The following HS2ST1 variants were observed in gnomAD, a reference collection of about 807,000 sequenced individuals.
The protein encoded by HS2ST1 is 2-O-sulfotransferase.
A neutral mutation model predicts 42.9 loss-of-function variants in HS2ST1; 18 were observed. The observed-to-expected ratio is 0.42, with a 90% confidence interval of 0.29 to 0.62. The LOEUF (loss-of-function observed/expected upper bound fraction) is 0.62, where lower values mean the gene tolerates loss of function less well. Ranked by LOEUF, HS2ST1 falls within the 20% of genes least tolerant of loss-of-function variation. The pLI is 0.21. For missense variants in HS2ST1, 334 were observed against 433.8 expected (o/e 0.77, Z 2.04); for synonymous variants, 146 against 152.9 (o/e 0.95, Z 0.33).
At chr1:87,083,367 C>G (rs1295959759) in intron 2 of HS2ST1, among the ~76,000 whole-genome samples, 1 of 152,178 alleles carries the variant, frequency 6.6e-6, no homozygotes, top group Non-Finnish European at 1.5e-5. Flanking sequence ...ACTGCCCCCA[C>G]TTTCTGCACT....
At chr1:87,079,201 G>A (rs568547963) in intron 2 of HS2ST1, among the ~76,000 whole-genome samples, 5 of 151,674 alleles carry the variant, frequency 3.3e-5, no homozygotes, top group East Asian at 3.9e-4. Context: ...GCAGTGGTGC[G>A]ATCTAGGCTC....
chr1:87,069,964 A>G (rs887771953), intron 1 of HS2ST1, among the ~76,000 whole-genome samples: 1 of 152,250 alleles, frequency 6.6e-6, no homozygotes, highest in Non-Finnish European at 1.5e-5. Flanking sequence ...TAAAATAGAT[A>G]CCTGCTTATG....
At chr1:86,982,024 C>T (rs1341666557) in intron 1 of HS2ST1, among the ~76,000 whole-genome samples, 3 of 152,242 alleles carry the variant, frequency 2.0e-5, no homozygotes, top group Non-Finnish European at 4.4e-5. Context: ...TCCCAAACAT[C>T]AGTTCTTGTC....
chr1:87,029,627 TAC>T (rs1650176681), intron 1 of HS2ST1, among the ~76,000 whole-genome samples: 1 of 152,246 alleles, frequency 6.6e-6, no homozygotes, highest in African/African-American at 2.4e-5. Flanking sequence ...CCATGTCATG[TAC>T]AGTTTCTTTT....
chr1:87,019,744 A>G (rs574396137), intron 1 of HS2ST1, among the ~76,000 whole-genome samples: 4 of 152,338 alleles, frequency 2.6e-5, no homozygotes, highest in South Asian at 4.1e-4. Context: ...GAAATATCCT[A>G]TTATAGCAGA....
In HS2ST1 at chr1:86,965,104, A is replaced by AT. The variant is rs575564697; in HGVS notation, c.124+49948dup. Among the ~76,000 whole-genome samples, 398 of 152,348 alleles carry AT rather than the reference A, an allele frequency of 2.6e-3. 3 individuals carry two copies. Among genetic ancestry groups the AT allele is most frequent in the African/African-American group, 9.1e-3 (379 of 41,582 alleles). ...TAATTTCAGACTTGTTTCAAAAAGG[A>AT]TTTTATGCATCTTTCAGTAATAGAG... On this transcript the variant is annotated intron_variant, in intron 1 of 6. Coordinates refer to ENST00000370550, the MANE Select transcript of HS2ST1 (RefSeq NM_012262.4).
intron 1 of HS2ST1, chr1:87,046,082 T>A (rs1205208177): frequency 1.5e-6 from 1 of 665,076 alleles, no homozygotes; most frequent in African/African-American, 1.8e-5. Flanking sequence ...TCATGAACCC[T>A]GACTATAATG....
At chr1:86,988,738 G>C (rs2390219) in intron 1 of HS2ST1, among the ~76,000 whole-genome samples, 14 of 152,198 alleles carry the variant, frequency 9.2e-5, no homozygotes, top group African/African-American at 3.4e-4. Context: ...CCGGAATGGC[G>C]TTACATCAAT....
intron 1 of HS2ST1, among the ~76,000 whole-genome samples, chr1:86,930,851 G>A (rs1660527623): frequency 6.6e-6 from 1 of 151,968 alleles, no homozygotes; most frequent in Non-Finnish European, 1.5e-5. Flanking sequence ...AGTAATGTTG[G>A]CACTTACAGG....
At chr1:87,086,298 C>T (rs1166216495) in intron 3 of HS2ST1, among the ~76,000 whole-genome samples, 1 of 152,076 alleles carries the variant, frequency 6.6e-6, no homozygotes, top group African/African-American at 2.4e-5. Flanking sequence ...TTGAAAGTCA[C>T]CCCTTGTACA....
chr1:87,014,724 C>T lies in HS2ST1; in HGVS notation c.125-58210C>T, dbSNP rs1277191544. On this transcript the variant is annotated intron_variant, in intron 1 of 6. Coordinates refer to ENST00000370550, the MANE Select transcript of HS2ST1 (RefSeq NM_012262.4). ...CAACCATGTACAAAGGCCATCACAA[C>T]TTTACTCAATAAATACTTCTACCCA... Among the ~76,000 whole-genome samples the T allele has an allele frequency of 2.6e-5, 4 of 152,198 alleles. No individual in the cohort carries two copies. The East Asian group carries it at 5.8e-4, about 22-fold the overall frequency.
intron 1 of HS2ST1, among the ~76,000 whole-genome samples, chr1:86,971,318 A>AAAAC (rs1648228261): frequency 2.6e-5 from 4 of 151,930 alleles, no homozygotes; most frequent in Middle Eastern, 3.2e-3. Flanking sequence ...CAAAACAAAA[A>AAAAC]AAAACCTTGG....
intron 1 of HS2ST1, chr1:87,045,669 A>G: frequency 1.3e-6 from 1 of 775,918 alleles, no homozygotes; most frequent in Non-Finnish European, 2.4e-6. Flanking sequence ...CAACCCAGCA[A>G]TCACTGCATT....
intron 1 of HS2ST1, among the ~76,000 whole-genome samples, chr1:87,029,325 A>C (rs1650169217): frequency 6.6e-6 from 1 of 152,216 alleles, no homozygotes; most frequent in South Asian, 2.1e-4. Context: ...GAATTTCTAC[A>C]CATGGTTTCT....
At chr1:87,052,334 G>A (rs1650856985) in intron 1 of HS2ST1, among the ~76,000 whole-genome samples, 1 of 152,074 alleles carries the variant, frequency 6.6e-6, no homozygotes, top group South Asian at 2.1e-4. Context: ...TTTTTAACTA[G>A]TAAGCCAGGA....
chr1:86,996,514 G>A (rs1035948006), intron 1 of HS2ST1, among the ~76,000 whole-genome samples: 4 of 151,440 alleles, frequency 2.6e-5, no homozygotes, highest in African/African-American at 9.7e-5. Context: ...TGTGTTGCAG[G>A]TACATGTAGC....
intron 1 of HS2ST1, among the ~76,000 whole-genome samples, chr1:87,060,244 C>A (rs1475361264): frequency 6.6e-6 from 1 of 152,090 alleles, no homozygotes; most frequent in Non-Finnish European, 1.5e-5. Flanking sequence ...TTTACCATGC[C>A]TATTTCAAAG....
intron 1 of HS2ST1, chr1:87,044,906 G>A: frequency 7.0e-7 from 1 of 1,428,210 alleles, no homozygotes; most frequent in Non-Finnish European, 9.5e-7. Flanking sequence ...GTAGTAAGAG[G>A]GCTCTGTTTA....
At chr1:87,046,068 A>G in intron 1 of HS2ST1, 2 of 664,932 alleles carry the variant, frequency 3.0e-6, no homozygotes, top group Admixed American at 1.8e-5. Flanking sequence ...CTACCATGAC[A>G]GCATCATGAA....
Sources: gnomAD v4.1 joint callset for allele counts (sites outside exome capture counted in the v4.1 genomes callset) on GRCh38, gnomAD v4.1.1 for gene constraint, MANE v1.5 for transcripts, NCBI Gene and HGNC (gene_info 2026-07-23, HGNC 2026-07-21) for gene names.